ZBED1: variants seen among roughly 807,000 people sequenced by gnomAD.
The protein encoded by ZBED1 is zinc finger BED-type containing 1.
ZBED1 carries 19 observed loss-of-function variants against 49.7 expected under a neutral mutation model. The ratio of observed to expected loss-of-function variants is 0.38; its 90% CI spans 0.27 to 0.56. The LOEUF (loss-of-function observed/expected upper bound fraction) is 0.56, where lower values mean the gene tolerates loss of function less well. Ranked by LOEUF, ZBED1 falls within the 20% of genes least tolerant of loss-of-function variation. ZBED1 has a pLI of 0.70. For synonymous variants in ZBED1, 439 were observed against 440.3 expected, an observed-to-expected ratio of 1.00 and a Z score of 0.04; for missense variants, 806 against 972.6, an observed-to-expected ratio of 0.83 and a Z score of 2.28.
Position 2,488,921 on chromosome X carries a change from AG to A in ZBED1, c.1798del (p.Leu600CysfsTer12). 3.7e-6 allele frequency: 6 copies of A among 1,602,154 alleles called. No homozygotes were observed. The highest frequency in any genetic ancestry group is 5.1e-6 in the Non-Finnish European group (6 of 1,172,898). On this transcript the variant is annotated frameshift_variant, in exon 2 of 2. Transcript: ENST00000652001. LOFTEE classifies it high-confidence loss of function. ...WWSDRLALFP[L>X]LPKVLQKYWC... ...GTACTTCTGCAGCACCTTGGGCAGC[AG>A]GGGGAAGAGGGCCAGGCGGTCTGAC...
In ZBED1 at chrX:2,489,461, CT is replaced by C; in HGVS notation, c.1258del (p.Ser420AlafsTer3). 6.2e-7 allele frequency: 1 copy of C among 1,613,862 alleles called. No individual in the cohort carries two copies. Among genetic ancestry groups the C allele is most frequent in the Non-Finnish European group, 8.5e-7 (1 of 1,179,856 alleles). ...CATGTGCAGCAGCGGCTTCACCATG[CT>C]GATGGTGGGGTACCTGGAGGCCGAC... ...MLSASRYPTI[S>X]MVKPLLHMLL... On this transcript the variant is annotated frameshift_variant, in exon 2 of 2. Coordinates refer to ENST00000652001, the MANE Select transcript of ZBED1 (RefSeq NM_001171136.2). LOFTEE classifies it high-confidence loss of function.
At chrX:2,499,705 C>T (rs1282809862) in intron 1 of ZBED1, among the ~76,000 whole-genome samples, 1 of 151,822 alleles carries the variant, frequency 6.6e-6, no homozygotes, top group Non-Finnish European at 1.5e-5. Context: ...CCATGAGTTT[C>T]AGACCAGCCT....
chrX:2,496,772 A>G (rs983520575), intron 1 of ZBED1, among the ~76,000 whole-genome samples: 1 of 151,406 alleles, frequency 6.6e-6, no homozygotes, highest in Non-Finnish European at 1.5e-5. Context: ...AAGTGTACAC[A>G]TTTATATATT....
intron 1 of ZBED1, among the ~76,000 whole-genome samples, chrX:2,495,042 T>C (rs2040675395): frequency 6.6e-6 from 1 of 151,510 alleles, no homozygotes; most frequent in Admixed American, 6.6e-5. Flanking sequence ...GTTTATATTC[T>C]ATTGTCATTA....
intron 1 of ZBED1, 71 bp downstream of exon 1, chrX:2,500,746 G>T: frequency 1.7e-6 from 1 of 597,998 alleles, no homozygotes; most frequent in Non-Finnish European, 2.1e-6. Flanking sequence ...GAGCCCCCGC[G>T]CCCCCGCCCC....
intron 1 of ZBED1, among the ~76,000 whole-genome samples, chrX:2,495,769 C>T (rs775518872): frequency 4.7e-5 from 7 of 150,010 alleles, no homozygotes; most frequent in African/African-American, 7.3e-5. Context: ...ATCCCCAGTG[C>T]GGGGGGAGGG....
In ZBED1 at chrX:2,490,770, C is replaced by A. The variant is rs1398645452; in HGVS notation, c.-51G>T. ...TGGACGGCTGCTCATGCGTGGGGAC[C>A]TGCTGAGAAGGGCCAAGACAAACAC... On this transcript the variant is annotated splice_region_variant and 5_prime_UTR_variant, in exon 2 of 2. In the 5' UTR this introduces an upstream ATG that the reference lacks. Coordinates refer to ENST00000652001, the MANE Select transcript of ZBED1 (RefSeq NM_001171136.2). The A allele has an allele frequency of 1.9e-6, 3 of 1,578,098 alleles. No individual in the cohort carries two copies. The highest frequency in any genetic ancestry group is 2.6e-6 in the Non-Finnish European group (3 of 1,162,164).
chrX:2,490,346 T>A lies in ZBED1; in HGVS notation c.374A>T (p.Glu125Val). Residue 125 changes from glutamate to valine, a missense_variant, in exon 2 of 2, where the codon GAG (glutamate) becomes GTG (valine). By Grantham distance (121) the Glu-to-Val change is moderately radical. Transcript: ENST00000652001. ...GHGYDSKKQQ[E>V]LTAAVLGLIC... ...GAGGCCCAGCACGGCGGCCGTCAGC[T>A]CCTGCTGCTTCTTGCTGTCGTAGCC... is the stretch of plus-strand genomic sequence containing the variant. 1 of 1,613,282 alleles carries A rather than the reference T, an allele frequency of 6.2e-7. No homozygotes were observed. Among genetic ancestry groups the A allele is most frequent in the South Asian group, 1.1e-5 (1 of 91,030 alleles).
intron 1 of ZBED1, among the ~76,000 whole-genome samples, chrX:2,495,893 G>A (rs1569350039): frequency 6.6e-6 from 1 of 152,080 alleles, no homozygotes; most frequent in African/African-American, 2.4e-5. Context: ...TTACCAGAAC[G>A]ACACGTCGCA....
chrX:2,490,336 G>A lies in ZBED1; in HGVS notation c.384C>T (p.Ala128=), dbSNP rs1280663969. The part of the protein sequence containing the change: ...YDSKKQQELT[A]AVLGLICEGL... ...CCTCGCAGATGAGGCCCAGCACGGC[G>A]GCCGTCAGCTCCTGCTGCTTCTTGC... The change falls in exon 2 of 2, where the codon GCC becomes GCT. Residue 128 remains alanine, a synonymous_variant. Transcript: ENST00000652001. 12 of 1,613,096 alleles carry A rather than the reference G, an allele frequency of 7.4e-6. No individual in the cohort carries two copies. The highest frequency in any genetic ancestry group is 1.8e-4 in the Middle Eastern group (1 of 5,600).
intron 1 of ZBED1, among the ~76,000 whole-genome samples, chrX:2,494,341 A>G (rs1189021457): frequency 1.3e-5 from 2 of 151,854 alleles, no homozygotes; most frequent in East Asian, 3.9e-4. Context: ...CATTATTATT[A>G]TTATTAGGCT....
Position 2,500,853 on chromosome X carries a change from G to A in ZBED1, c.-90C>T. 1 of 1,153,828 alleles carries A rather than the reference G, an allele frequency of 8.7e-7. No individual in the cohort carries two copies. Among genetic ancestry groups the A allele is most frequent in the South Asian group, 3.0e-5 (1 of 33,136 alleles). 71.5% of individuals were successfully genotyped at this position (1,153,828 alleles called of 1,614,324 possible). A position where few individuals can be genotyped will look rare whatever the true frequency, so the allele number is the denominator to read the frequency against. On this transcript the variant is annotated 5_prime_UTR_variant, in exon 1 of 2. Coordinates refer to ENST00000652001, the MANE Select transcript of ZBED1 (RefSeq NM_001171136.2). ...AAGCCCCCGCGGCAGCGCCGCAGCA[G>A]CTGCGCCAGGATCACCGCGGCGCCT...
intron 1 of ZBED1, among the ~76,000 whole-genome samples, chrX:2,497,528 T>G (rs2045314253): frequency 6.6e-6 from 1 of 152,188 alleles, no homozygotes; most frequent in Non-Finnish European, 1.5e-5. Context: ...GTTTGAAAAG[T>G]AGGACTTCTA....
intron 1 of ZBED1, among the ~76,000 whole-genome samples, chrX:2,499,103 AG>A (rs1219910428): frequency 2.6e-5 from 4 of 152,126 alleles, no homozygotes; most frequent in Non-Finnish European, 5.9e-5. Context: ...CGCTTCTCAA[AG>A]GGTGGCGCTG....
At chrX:2,497,240 A>G (rs1219530580) in intron 1 of ZBED1, among the ~76,000 whole-genome samples, 1 of 152,180 alleles carries the variant, frequency 6.6e-6, no homozygotes, top group East Asian at 1.9e-4. Flanking sequence ...CTAAAAATAC[A>G]AAATGAGCCA....
chrX:2,488,641 G>A lies in ZBED1; in HGVS notation c.2079C>T (p.Phe693=). The A allele has an allele frequency of 6.3e-7, 1 of 1,599,646 alleles. No individual in the cohort carries two copies. Among genetic ancestry groups the A allele is most frequent in the Non-Finnish European group, 8.5e-7 (1 of 1,173,712 alleles). The change falls in exon 2 of 2, where the codon TTC becomes TTT. Residue 693 remains phenylalanine, a synonymous_variant. Coordinates refer to ENST00000652001, the MANE Select transcript of ZBED1 (RefSeq NM_001171136.2). ...AAGACAACACGCTTCCTCGCTACAGGAAGCTGCTGTCCCTAATGCCAAAGA... is the reference window on the plus strand; with the variant it reads ...AAGACAACACGCTTCCTCGCTACAGAAAGCTGCTGTCCCTAATGCCAAAGA... The part of the protein sequence containing the change: ...GGFFGIRDSS[F]L
At position 2,490,354 on chromosome X, in the gene ZBED1, C is replaced by T. The variant is rs1197385768; in HGVS notation, c.366G>A (p.Lys122=). ...VKAGHGYDSK[K]QQELTAAVLG... is the part of the protein sequence containing the mutation. ...GCACGGCGGCCGTCAGCTCCTGCTG[C>T]TTCTTGCTGTCGTAGCCGTGGCCGG... Residue 122 remains lysine, a synonymous_variant, in exon 2 of 2, where the codon AAG becomes AAA. Transcript: ENST00000652001. 6.2e-7 allele frequency: 1 copy of T among 1,613,318 alleles called. No individual in the cohort carries two copies. Among genetic ancestry groups the T allele is most frequent in the African/African-American group, 1.3e-5 (1 of 74,932 alleles).
At chrX:2,492,467 T>G (rs1188806344) in intron 1 of ZBED1, among the ~76,000 whole-genome samples, 2 of 149,850 alleles carry the variant, frequency 1.3e-5, no homozygotes. Flanking sequence ...GATTGAACAG[T>G]GGCCCGCAGA....
chrX:2,499,485 A>C (rs1157389398), intron 1 of ZBED1, among the ~76,000 whole-genome samples: 3 of 152,230 alleles, frequency 2.0e-5, no homozygotes, highest in Non-Finnish European at 4.4e-5. Flanking sequence ...AATTGAGAAT[A>C]TGGGCTGGGC....
Sources: gnomAD v4.1 joint callset for allele counts (sites outside exome capture counted in the v4.1 genomes callset) on GRCh38, gnomAD v4.1.1 for gene constraint, MANE v1.5 for transcripts, NCBI Gene and HGNC (gene_info 2026-07-23, HGNC 2026-07-21) for gene names.